SORCS2: variants seen among roughly 807,000 people sequenced by gnomAD.
The protein encoded by SORCS2 is sortilin related VPS10 domain containing receptor 2, also known as VPS10 domain-containing receptor SorCS2.
SORCS2 carries 100 observed loss-of-function variants against 141.6 expected under a neutral mutation model. The ratio of observed to expected loss-of-function variants is 0.71; its 90% CI spans 0.60 to 0.83. The LOEUF (loss-of-function observed/expected upper bound fraction) is 0.83. Among genes scored for constraint, SORCS2 ranks in the 40% least tolerant of loss-of-function variants. SORCS2 has a pLI of 0.00. For missense variants in SORCS2, 1,646 were observed against 1,560.2 expected, an observed-to-expected ratio of 1.05 and a Z score of -0.93; for synonymous variants, 789 against 676.9, an observed-to-expected ratio of 1.17 and a Z score of -2.57.
chr4:7,667,353 G>A (rs945130838), intron 8 of SORCS2, 140 bp downstream of exon 8: 20 of 744,100 alleles, frequency 2.7e-5, no homozygotes, highest in Non-Finnish European at 4.1e-5. Context: ...GCTTCGTCCA[G>A]CTGCTCACCC....
chr4:7,733,328 GCCGCCA>G lies in SORCS2; in HGVS notation c.3116_3121del (p.Ala1039_Ile1041delinsVal). ...GTCCCCTCTGTGCTTGCAGAGGCTC[GCCGCCA>G]TCCAGCAGGTGCTGAACGCACAGAA... On this transcript the variant is annotated inframe_deletion, in exon 24 of 27. Transcript: ENST00000507866. 6.5e-7 allele frequency: 1 copy of G among 1,526,742 alleles called. No individual in the cohort carries two copies. Among genetic ancestry groups the G allele is most frequent in the Non-Finnish European group, 8.8e-7 (1 of 1,139,128 alleles). 94.6% of individuals were successfully genotyped at this position (1,526,742 alleles called of 1,614,324 possible).
At chr4:7,565,460 A>G (rs1714903381) in intron 3 of SORCS2, among the ~76,000 whole-genome samples, 1 of 152,204 alleles carries the variant, frequency 6.6e-6, no homozygotes, top group African/African-American at 2.4e-5. Flanking sequence ...ATGCTATAAT[A>G]ATGATGATGA....
chr4:7,567,988 T>G (rs1715138765), intron 3 of SORCS2, among the ~76,000 whole-genome samples: 1 of 152,254 alleles, frequency 6.6e-6, no homozygotes, highest in Non-Finnish European at 1.5e-5. Context: ...TTTTATTTTG[T>G]TTATGAGCAC....
At position 7,439,534 on chromosome 4, in the gene SORCS2, G is replaced by A. The variant is rs537176742; in HGVS notation, c.548+43179G>A. Among the ~76,000 whole-genome samples, 79 of 152,304 alleles carry A rather than the reference G, an allele frequency of 5.2e-4. No individual in the cohort carries two copies. In the South Asian group the frequency reaches 0.016, roughly 31 times the overall value. The stretch of plus-strand genomic sequence containing the variant: ...CCTGCAGAACGCACACCCTAGTCAA[G>A]GGGCAGAATGGTCCTGAGTGCTCCT... On this transcript the variant is annotated intron_variant, in intron 2 of 26. Coordinates refer to ENST00000507866, the MANE Select transcript of SORCS2 (RefSeq NM_020777.3).
chr4:7,359,099 C>T (rs933439718), intron 1 of SORCS2, among the ~76,000 whole-genome samples: 20 of 152,330 alleles, frequency 1.3e-4, no homozygotes, highest in African/African-American at 4.6e-4. Flanking sequence ...AGTTCAAGAC[C>T]AGCCTGGCCA....
chr4:7,301,990 C>T (rs1717466318), intron 1 of SORCS2, among the ~76,000 whole-genome samples: 1 of 152,252 alleles, frequency 6.6e-6, no homozygotes, highest in Non-Finnish European at 1.5e-5. Context: ...ACAGTGGCCT[C>T]TGTGTCCCAC....
chr4:7,446,639 A>G (rs940730267), intron 2 of SORCS2, among the ~76,000 whole-genome samples: 2 of 152,100 alleles, frequency 1.3e-5, no homozygotes, highest in African/African-American at 4.8e-5. Flanking sequence ...TGAGGGGTGG[A>G]ATCCAGGCCT....
chr4:7,674,082 C>T (rs531672127), intron 8 of SORCS2, among the ~76,000 whole-genome samples: 1 of 152,256 alleles, frequency 6.6e-6, no homozygotes, highest in East Asian at 1.9e-4. Flanking sequence ...CTTCACATGC[C>T]TCCGTGGGCT....
At position 7,311,651 on chromosome 4, in the gene SORCS2, T is replaced by G. The variant is rs567883708; in HGVS notation, c.481-84637T>G. Among the ~76,000 whole-genome samples, 17 of 152,346 alleles carry G rather than the reference T, an allele frequency of 1.1e-4. 1 individual carries two copies. The South Asian group carries it at 3.5e-3, about 32-fold the overall frequency. On this transcript the variant is annotated intron_variant, in intron 1 of 26. Coordinates refer to ENST00000507866, the MANE Select transcript of SORCS2 (RefSeq NM_020777.3). ...TGCATTTCCGTGATGATGAATGATG[T>G]CGAGCTTCTTTATGGGGGCTTATTT... is the stretch of plus-strand genomic sequence containing the variant.
At position 7,741,245 on chromosome 4, in the gene SORCS2, C is replaced by G. The variant is rs952514749; in HGVS notation, c.*981C>G. On this transcript the variant is annotated 3_prime_UTR_variant, in exon 27 of 27. Coordinates refer to ENST00000507866, the MANE Select transcript of SORCS2 (RefSeq NM_020777.3). ...CCAAGCTGGGAGAGGCTGAGGATGG[C>G]AGGGCTGGAAGGGCCATCAGCGTGA... is the stretch of plus-strand genomic sequence containing the variant. 3 of 398,710 alleles carry G rather than the reference C, an allele frequency of 7.5e-6. No homozygotes were observed. The highest frequency in any genetic ancestry group is 1.3e-5 in the Non-Finnish European group (3 of 226,130). The allele number at this position is 398,710 out of a possible 1,614,324, so 24.7% of individuals were successfully genotyped here.
chr4:7,455,540 C>T (rs1345619761), intron 2 of SORCS2, among the ~76,000 whole-genome samples: 7 of 133,630 alleles, frequency 5.2e-5, no homozygotes, highest in Non-Finnish European at 7.8e-5. Flanking sequence ...TAGTGTCATG[C>T]GCCACGTTAG....
intron 2 of SORCS2, chr4:7,434,831 C>T (rs767469095): frequency 3.8e-6 from 6 of 1,595,020 alleles, no homozygotes; most frequent in Non-Finnish European, 5.1e-6. Context: ...GTGGGGCTGG[C>T]CCTGGTGGCC....
chr4:7,240,526 G>C (rs1039433502), intron 1 of SORCS2, among the ~76,000 whole-genome samples: 6 of 152,074 alleles, frequency 3.9e-5, no homozygotes, highest in Non-Finnish European at 8.8e-5. Flanking sequence ...ACGTTTCCCC[G>C]TCCTCGTGGT....
chr4:7,737,308 C>T lies in SORCS2; in HGVS notation c.3415+136C>T, dbSNP rs1034198672. On this transcript the variant is annotated intron_variant, in intron 26 of 26. Transcript: ENST00000507866. ...ACGCTGGCCCAGCAGCCCTTGCCAGCGGGTCGGTCGGGCCCACTGTGTCCC... is the reference window on the plus strand; with the variant it reads ...ACGCTGGCCCAGCAGCCCTTGCCAGTGGGTCGGTCGGGCCCACTGTGTCCC... 41 of 1,257,364 alleles carry T rather than the reference C, an allele frequency of 3.3e-5. No individual in the cohort carries two copies. The Admixed American group carries it at 5.5e-4, about 17-fold the overall frequency. 77.9% of individuals were successfully genotyped at this position (1,257,364 alleles called of 1,614,324 possible).
At chr4:7,519,416 A>G (rs1311624496) in intron 2 of SORCS2, among the ~76,000 whole-genome samples, 2 of 152,164 alleles carry the variant, frequency 1.3e-5, no homozygotes, top group Non-Finnish European at 2.9e-5. Context: ...AGTCAAATAG[A>G]GTCTCGTTTC....
chr4:7,266,899 C>T (rs994035214), intron 1 of SORCS2, among the ~76,000 whole-genome samples: 24 of 152,274 alleles, frequency 1.6e-4, no homozygotes, highest in African/African-American at 5.1e-4. Flanking sequence ...ATAACTGCCT[C>T]CCAGCGTGTT....
intron 1 of SORCS2, among the ~76,000 whole-genome samples, chr4:7,295,879 G>T (rs1315108004): frequency 6.6e-6 from 1 of 152,248 alleles, no homozygotes; most frequent in Non-Finnish European, 1.5e-5. Flanking sequence ...CACAGTAGGT[G>T]ATCAGTGTGG....
intron 1 of SORCS2, among the ~76,000 whole-genome samples, chr4:7,216,690 G>A (rs1185429763): frequency 6.6e-6 from 1 of 151,914 alleles, no homozygotes; most frequent in Non-Finnish European, 1.5e-5. Context: ...CTCTTTTAAG[G>A]ACCCTCCTAA....
rs537338129 is a variant in SORCS2 at position 7,403,346 on chromosome 4, A to G, written c.548+6991A>G. Among the ~76,000 whole-genome samples, 121 of 152,254 alleles carry G rather than the reference A, an allele frequency of 7.9e-4. 3 individuals are homozygous for G. In the South Asian group the frequency reaches 0.014, roughly 18 times the overall value. The stretch of plus-strand genomic sequence containing the variant: ...GAGGCCACCAGGACATGTTCTTCTT[A>G]TGCAGAACACCAGAGCTCAGGAACC... On this transcript the variant is annotated intron_variant, in intron 2 of 26. Transcript: ENST00000507866.
Sources: gnomAD v4.1 joint callset for allele counts (sites outside exome capture counted in the v4.1 genomes callset) on GRCh38, gnomAD v4.1.1 for gene constraint, MANE v1.5 for transcripts, NCBI Gene and HGNC (gene_info 2026-07-23, HGNC 2026-07-21) for gene names.